The following CACNA2D1 variants were observed in gnomAD, a reference collection of about 807,000 sequenced individuals.
The protein encoded by CACNA2D1 is voltage-dependent calcium channel subunit alpha-2/delta-1.
In CACNA2D1, 53 loss-of-function variants were observed where a neutral mutation model predicts 171.5. The observed-to-expected ratio is 0.31, with a 90% CI of 0.25 to 0.39. The LOEUF (loss-of-function observed/expected upper bound fraction) is 0.39, where lower values mean the gene tolerates loss of function less well. Among genes scored for constraint, CACNA2D1 ranks in the 10% least tolerant of loss-of-function variants. CACNA2D1 has a pLI of 1.00. For missense variants in CACNA2D1, 903 were observed against 1,299.8 expected, an observed-to-expected ratio of 0.69 and a Z score of 4.69; for synonymous variants, 442 against 443.1, an observed-to-expected ratio of 1.00 and a Z score of 0.03.
At chr7:82,260,222 C>CAAAT (rs769924270) in intron 3 of CACNA2D1, among the ~76,000 whole-genome samples, 22 of 152,022 alleles carry the variant, frequency 1.4e-4, no homozygotes, top group Middle Eastern at 6.8e-3. Context: ...AACTCCTTCT[C>CAAAT]AAATAAATAA....
At chr7:82,390,779 T>C (rs1464689379) in intron 1 of CACNA2D1, among the ~76,000 whole-genome samples, 1 of 152,098 alleles carries the variant, frequency 6.6e-6, no homozygotes. Context: ...CTGTATCCAA[T>C]ATAGAAAACA....
chr7:82,219,584 A>G (rs1801533796), intron 3 of CACNA2D1, among the ~76,000 whole-genome samples: 1 of 152,134 alleles, frequency 6.6e-6, no homozygotes, highest in South Asian at 2.1e-4. Flanking sequence ...TTGTGTTTTA[A>G]CCATTTTAGA....
intron 4 of CACNA2D1, among the ~76,000 whole-genome samples, chr7:82,166,076 A>G (rs971130165): frequency 2.0e-5 from 3 of 152,024 alleles, no homozygotes; most frequent in African/African-American, 7.2e-5. Flanking sequence ...ATCAATAAAA[A>G]CGATGCAATT....
At chr7:81,993,821 G>C (rs1797788418) in intron 20 of CACNA2D1, among the ~76,000 whole-genome samples, 1 of 152,046 alleles carries the variant, frequency 6.6e-6, no homozygotes, top group African/African-American at 2.4e-5. Flanking sequence ...GTCAAAAAAA[G>C]TAATTTGCAA....
At chr7:82,032,992 C>CA (rs1329527975) in intron 11 of CACNA2D1, 91 bp from the exon 12 acceptor site, 3 of 756,062 alleles carry the variant, frequency 4.0e-6, no homozygotes, top group African/African-American at 3.5e-5. Context: ...GAGCAGGTTG[C>CA]AAGTAATTAA....
At position 81,955,905 on chromosome 7, in the gene CACNA2D1, TGGGGGG is replaced by T. The variant is rs59823054; in HGVS notation, c.3159+3364_3159+3369del. ...CCATAATAGGAAAATGTTATTTTGG[TGGGGGG>T]GGGGGGGGGTGGTGGTCTTAGGTTA... On this transcript the variant is annotated intron_variant, in intron 38 of 38. Transcript: ENST00000356860. 7.7e-3 allele frequency among the ~76,000 whole-genome samples: 414 copies of T among 53,942 alleles called. 17 individuals are homozygous for T. The highest frequency in any genetic ancestry group is 0.011 in the Non-Finnish European group (327 of 28,474). 35.4% of individuals were successfully genotyped at this position (53,942 alleles called of 152,430 possible).
At chr7:82,432,609 G>A (rs1205141193) in intron 1 of CACNA2D1, among the ~76,000 whole-genome samples, 1 of 152,200 alleles carries the variant, frequency 6.6e-6, no homozygotes, top group African/African-American at 2.4e-5. Context: ...CCCAACAGCT[G>A]AGCCTACAAG....
Position 81,969,958 on chromosome 7 carries a change from G to A in CACNA2D1, c.2231C>T (p.Pro744Leu). The stretch of plus-strand genomic sequence containing the variant: ...ATAGAAGCTGTCCTCATATGTCTCT[G>A]GGTTTTCTTGCCAATTTTCTCCAGC... ...KEAGENWQENPETYEDSFYKR... is the reference protein window; with the variant it reads ...KEAGENWQENLETYEDSFYKR... Residue 744 changes from proline (P) to leucine (L), a missense_variant, in exon 28 of 39, where the codon CCA becomes CTA. Pro to Leu is a moderately conservative substitution (Grantham distance 98). Transcript: ENST00000356860. 6.2e-7 allele frequency: 1 copy of A among 1,607,860 alleles called. No homozygotes were observed. Among genetic ancestry groups the A allele is most frequent in the Non-Finnish European group, 8.5e-7 (1 of 1,175,320 alleles).
chr7:82,077,759 TAAAA>T (rs10596724), intron 7 of CACNA2D1, among the ~76,000 whole-genome samples: 1 of 145,122 alleles, frequency 6.9e-6, no homozygotes. Context: ...AATGTTAAAG[TAAAA>T]AAAAAAAAAA....
chr7:82,184,954 CAG>C (rs1797510624), intron 3 of CACNA2D1, among the ~76,000 whole-genome samples: 1 of 152,140 alleles, frequency 6.6e-6, no homozygotes, highest in Non-Finnish European at 1.5e-5. Context: ...AAGGAGTAAA[CAG>C]ATGTTATCGA....
At chr7:82,287,266 T>C (rs1810918075) in intron 3 of CACNA2D1, among the ~76,000 whole-genome samples, 2 of 151,808 alleles carry the variant, frequency 1.3e-5, no homozygotes, top group East Asian at 3.9e-4. Context: ...TTCTTTCTTT[T>C]TTTTTTTAAT....
intron 3 of CACNA2D1, among the ~76,000 whole-genome samples, chr7:82,226,948 T>C (rs1563227084): frequency 1.3e-5 from 2 of 152,070 alleles, no homozygotes; most frequent in Non-Finnish European, 2.9e-5. Context: ...TACAGAAAAA[T>C]ATTAGAATTC....
intron 10 of CACNA2D1, among the ~76,000 whole-genome samples, chr7:82,047,297 C>T (rs1237016453): frequency 6.6e-6 from 1 of 152,062 alleles, no homozygotes; most frequent in African/African-American, 2.4e-5. Context: ...AATGATGAAA[C>T]AATCACATAC....
At chr7:82,430,675 AC>A (rs1829600594) in intron 1 of CACNA2D1, among the ~76,000 whole-genome samples, 2 of 152,190 alleles carry the variant, frequency 1.3e-5, no homozygotes, top group Admixed American at 1.3e-4. Context: ...GATGAGTGTA[AC>A]TAACCATCAG....
intron 3 of CACNA2D1, among the ~76,000 whole-genome samples, chr7:82,172,442 T>C (rs1796108847): frequency 6.7e-6 from 1 of 148,226 alleles, no homozygotes; most frequent in East Asian, 2.0e-4. Flanking sequence ...AAAATAAGCA[T>C]GAAGGCTTTT....
chr7:82,059,032 G>C (rs572851049), intron 10 of CACNA2D1, among the ~76,000 whole-genome samples: 1 of 152,118 alleles, frequency 6.6e-6, no homozygotes, highest in African/African-American at 2.4e-5. Flanking sequence ...AGGTGAGAAG[G>C]GACTAAACAA....
intron 4 of CACNA2D1, among the ~76,000 whole-genome samples, chr7:82,137,460 A>C (rs1033952930): frequency 6.6e-6 from 1 of 152,180 alleles, no homozygotes; most frequent in Non-Finnish European, 1.5e-5. Flanking sequence ...TGATTTCTCT[A>C]TCTTATTCCA....
chr7:82,000,771 CTTTTTTTTTTTTTTTTTTTTTTTTTTTTT>C (rs774565705), intron 18 of CACNA2D1, among the ~76,000 whole-genome samples: 1 of 51,912 alleles, frequency 1.9e-5, no homozygotes, highest in African/African-American at 6.7e-5. Flanking sequence ...ATTTTTCTTT[CTTTTTTTTTTTTTTTTTTTTTTTTTTTTT>C]TTTTTTTTTT....
intron 3 of CACNA2D1, among the ~76,000 whole-genome samples, chr7:82,235,417 C>T (rs1224999233): frequency 6.6e-6 from 1 of 152,124 alleles, no homozygotes; most frequent in Admixed American, 6.6e-5. Flanking sequence ...TGAACTTTCC[C>T]TGATGGGAGG....
Sources: gnomAD v4.1 joint callset for allele counts (sites outside exome capture counted in the v4.1 genomes callset) on GRCh38, gnomAD v4.1.1 for gene constraint, MANE v1.5 for transcripts, NCBI Gene and HGNC (gene_info 2026-07-23, HGNC 2026-07-21) for gene names.